Variants in UGT2A3 observed in about 807,000 individuals in gnomAD.
UGT2A3 encodes the protein UDP-glucuronosyltransferase 2A3.
A neutral mutation model predicts 44.1 loss-of-function variants in UGT2A3; 55 were observed. The observed-to-expected ratio is 1.25, with a 90% confidence interval of 1.00 to 1.56. The LOEUF is 1.56. Ranked by LOEUF, UGT2A3 falls within the 40% of genes most tolerant of loss-of-function variation. The pLI, the probability that UGT2A3 is intolerant of heterozygous loss-of-function variation, is 0.00. For missense variants in UGT2A3, 733 were observed against 621.6 expected, an observed-to-expected ratio of 1.18 and a Z score of -1.91; for synonymous variants, 243 against 215.1, an observed-to-expected ratio of 1.13 and a Z score of -1.13.
chr4:68,930,417 G>A, intron 5 of UGT2A3, 129 bp downstream of exon 5: 1 of 899,738 alleles, frequency 1.1e-6, no homozygotes, highest in Non-Finnish European at 1.7e-6. Flanking sequence ...CCAGTAACAA[G>A]GTGATGAATG....
intron 2 of UGT2A3, among the ~76,000 whole-genome samples, chr4:68,937,081 C>T (rs1354035334): frequency 6.6e-6 from 1 of 151,896 alleles, no homozygotes; most frequent in Non-Finnish European, 1.5e-5. Context: ...AAAGCAAGTC[C>T]TGAGAGACCG....
At chr4:68,942,501 G>GGA (rs1339860473) in intron 2 of UGT2A3, among the ~76,000 whole-genome samples, 36 of 98,504 alleles carry the variant, frequency 3.7e-4, no homozygotes, top group African/African-American at 1.5e-3. Flanking sequence ...GCATTCCACT[G>GGA]GAGATATATA....
rs1306885950 is a variant in UGT2A3 at position 68,932,675 on chromosome 4, C to A, written c.949G>T (p.Glu317Ter). The A allele has an allele frequency of 6.2e-7, 1 of 1,611,664 alleles. No homozygotes were observed. The highest frequency in any genetic ancestry group is 1.7e-5 in the Admixed American group (1 of 59,858). Residue 317 changes from glutamate to a stop codon, truncating the protein, a stop_gained, in exon 3 of 6, where the codon GAA becomes TAA. Transcript: ENST00000251566. LOFTEE classifies it high-confidence loss of function. ...LGSLFQNVTEEKANIIASALA... is the reference protein window; with the variant it reads ...LGSLFQNVTE ...GCTGAAGCAATGATATTAGCCTTTT[C>A]TTCTGTAACATTTTGAAACAGTGAC...
chr4:68,932,686 T>A lies in UGT2A3; in HGVS notation c.938A>T (p.Asn313Ile). The A allele has an allele frequency of 6.2e-7, 1 of 1,612,178 alleles. No individual in the cohort carries two copies. Among genetic ancestry groups the A allele is most frequent in the Non-Finnish European group, 8.5e-7 (1 of 1,178,886 alleles). Residue 313 changes from asparagine to isoleucine, a missense_variant, in exon 3 of 6, where the codon AAT (asparagine) becomes ATT (isoleucine). Physicochemically the swap from Asn to Ile is moderately radical, Grantham distance 149. Transcript: ENST00000251566. ...GATATTAGCCTTTTCTTCTGTAACA[T>A]TTTGAAACAGTGACCCCAGAGAAAA... ...VVFSLGSLFQ[N>I]VTEEKANIIA...
At chr4:68,937,029 C>T (rs972699942) in intron 2 of UGT2A3, among the ~76,000 whole-genome samples, 1 of 151,936 alleles carries the variant, frequency 6.6e-6, no homozygotes, top group Non-Finnish European at 1.5e-5. Context: ...AGCTAACTAT[C>T]CTAAATATAT....
chr4:68,939,636 G>A (rs971658834), intron 2 of UGT2A3, among the ~76,000 whole-genome samples: 1 of 152,032 alleles, frequency 6.6e-6, no homozygotes, highest in Non-Finnish European at 1.5e-5. Context: ...CTTAGGCCTG[G>A]GCAAGGGTTT....
At chr4:68,936,902 A>C (rs1252403994) in intron 2 of UGT2A3, among the ~76,000 whole-genome samples, 1 of 148,630 alleles carries the variant, frequency 6.7e-6, no homozygotes, top group African/African-American at 2.4e-5. Flanking sequence ...AAAAAAAAAA[A>C]AAAAAAAGCA....
chr4:68,936,741 G>A (rs893502233), intron 2 of UGT2A3, among the ~76,000 whole-genome samples: 8 of 151,706 alleles, frequency 5.3e-5, no homozygotes, highest in Non-Finnish European at 1.0e-4. Context: ...TGAGCTAAAT[G>A]GCCCAATTAA....
chr4:68,948,439 CTTTTTTTT>C (rs60082800), intron 1 of UGT2A3, among the ~76,000 whole-genome samples: 5 of 110,150 alleles, frequency 4.5e-5, no homozygotes, highest in African/African-American at 1.2e-4. Flanking sequence ...TCTTTTTTTT[CTTTTTTTT>C]TTTTTTTTTT....
At chr4:68,942,717 A>G (rs1718245628) in intron 2 of UGT2A3, among the ~76,000 whole-genome samples, 4 of 151,506 alleles carry the variant, frequency 2.6e-5, no homozygotes, top group Admixed American at 2.0e-4. Context: ...CATTCATAAT[A>G]TAATTAGAGA....
intron 1 of UGT2A3, among the ~76,000 whole-genome samples, chr4:68,947,990 T>C (rs994348126): frequency 1.3e-5 from 2 of 151,764 alleles, no homozygotes; most frequent in Non-Finnish European, 2.9e-5. Context: ...TTACAAAAAG[T>C]AAATGGGCAT....
rs375454300 is a variant in UGT2A3, at chr4:68,951,569, A to T, written c.192T>A (p.Ile64=). The T allele has an allele frequency of 7.4e-6, 12 of 1,612,962 alleles. No individual in the cohort carries two copies. The African/African-American group carries it at 1.3e-4, about 18-fold the overall frequency. The change falls in exon 1 of 6, where the codon ATT becomes ATA. Residue 64 remains isoleucine, a synonymous_variant. Transcript: ENST00000251566. Reference sequence around the variant, plus strand: ...TCAATGCAGAAGGCTTCCTGTAGTCAATTAACGAAGGCTTTGAGTGAGTCA... The same window carrying T: ...TCAATGCAGAAGGCTTCCTGTAGTCTATTAACGAAGGCTTTGAGTGAGTCA... ...TVLTHSKPSL[I]DYRKPSALKF...
chr4:68,930,227 A>G (rs560366832), intron 5 of UGT2A3, 135 bp from the exon 6 acceptor site: 2 of 1,061,532 alleles, frequency 1.9e-6, no homozygotes, highest in Non-Finnish European at 2.7e-6. Context: ...TTGTGACATG[A>G]ATATTGTTGG....
intron 3 of UGT2A3, among the ~76,000 whole-genome samples, chr4:68,931,849 T>C (rs1194463346): frequency 1.3e-5 from 2 of 152,032 alleles, no homozygotes; most frequent in Non-Finnish European, 2.9e-5. Context: ...GTTGGACACC[T>C]ATACAAATTT....
chr4:68,938,621 C>A (rs1718060254), intron 2 of UGT2A3, among the ~76,000 whole-genome samples: 1 of 152,136 alleles, frequency 6.6e-6, no homozygotes, highest in Admixed American at 6.5e-5. Context: ...AAACTGGAAG[C>A]ATTCCCTTTG....
chr4:68,945,523 A>C lies in UGT2A3; in HGVS notation c.716-69T>G. ...TAAAAAATTGTATCACTAATTTTTCAGTAAGCTATTAAGAAAAAAATAAGT... is the reference window on the plus strand; with the variant it reads ...TAAAAAATTGTATCACTAATTTTTCCGTAAGCTATTAAGAAAAAAATAAGT... On this transcript the variant is annotated intron_variant, in intron 1 of 5. Transcript: ENST00000251566. 8 of 1,392,970 alleles carry C rather than the reference A, an allele frequency of 5.7e-6. No individual in the cohort carries two copies. In the South Asian group the frequency reaches 1.2e-4, roughly 20 times the overall value. The allele number at this position is 1,392,970 out of a possible 1,614,324, so 86.3% of individuals were successfully genotyped here.
At chr4:68,937,451 C>A (rs556613306) in intron 2 of UGT2A3, among the ~76,000 whole-genome samples, 35 of 152,208 alleles carry the variant, frequency 2.3e-4, no homozygotes, top group Non-Finnish European at 4.6e-4. Context: ...TAACCTGCAC[C>A]TGAATGACTA....
chr4:68,949,497 A>G (rs1718502517), intron 1 of UGT2A3, among the ~76,000 whole-genome samples: 1 of 151,876 alleles, frequency 6.6e-6, no homozygotes, highest in African/African-American at 2.4e-5. Context: ...CTGATCCCAG[A>G]TCACCGTAAC....
At position 68,950,313 on chromosome 4, in the gene UGT2A3, C is replaced by T. The variant is rs561171417; in HGVS notation, c.715+733G>A. Among the ~76,000 whole-genome samples the T allele has an allele frequency of 3.9e-5, 6 of 151,924 alleles. No homozygotes were observed. In the East Asian group the frequency reaches 5.9e-4, roughly 15 times the overall value. Reference sequence around the variant, plus strand: ...GTGAAACAGTCTATGCATAAGAATTCGTTGGAATACATTAAACAATATTTT... The same window carrying T: ...GTGAAACAGTCTATGCATAAGAATTTGTTGGAATACATTAAACAATATTTT... On this transcript the variant is annotated intron_variant, in intron 1 of 5. Transcript: ENST00000251566.
Sources: gnomAD v4.1 joint callset for allele counts (sites outside exome capture counted in the v4.1 genomes callset) on GRCh38, gnomAD v4.1.1 for gene constraint, MANE v1.5 for transcripts, NCBI Gene and HGNC (gene_info 2026-07-23, HGNC 2026-07-21) for gene names.